Variants in PDZD2 observed in about 807,000 individuals in gnomAD.
PDZD2 encodes PDZ domain-containing protein 2.
In PDZD2, 90 loss-of-function variants were observed where a neutral mutation model predicts 220.7. The observed-to-expected ratio is 0.41, with a 90% CI of 0.34 to 0.49. The LOEUF is 0.49. Ranked by LOEUF, PDZD2 falls within the 20% of genes least tolerant of loss-of-function variation. The pLI, the probability that PDZD2 is intolerant of heterozygous loss-of-function variation, is 0.28. For synonymous variants in PDZD2, 1,375 were observed against 1,450.5 expected (o/e 0.95, Z 1.18); for missense variants, 3,174 against 3,608.5 (o/e 0.88, Z 3.08).
At chr5:31,866,780 G>A (rs1328207556) in intron 2 of PDZD2, among the ~76,000 whole-genome samples, 1 of 152,156 alleles carries the variant, frequency 6.6e-6, no homozygotes. Context: ...ACTTTGATTT[G>A]TGTCCTTATC....
intron 1 of PDZD2, chr5:31,661,614 C>G (rs1185537279): frequency 6.6e-6 from 1 of 152,190 alleles, no homozygotes; most frequent in African/African-American, 2.4e-5. Flanking sequence ...CTTACACGCT[C>G]TAAAGTATGT....
chr5:32,018,492 C>T (rs1170316149), intron 6 of PDZD2, among the ~76,000 whole-genome samples: 3 of 152,230 alleles, frequency 2.0e-5, no homozygotes, highest in Non-Finnish European at 2.9e-5. Context: ...CCCCAACCTG[C>T]TCCGGATCCT....
intron 1 of PDZD2, among the ~76,000 whole-genome samples, chr5:31,743,238 A>G (rs924558778): frequency 5.3e-5 from 8 of 151,914 alleles, no homozygotes; most frequent in Non-Finnish European, 1.0e-4. Flanking sequence ...CAGTGGCACA[A>G]TCATGGCTCA....
At chr5:32,041,234 C>T (rs542142003) in intron 7 of PDZD2, among the ~76,000 whole-genome samples, 253 of 130,746 alleles carry the variant, frequency 1.9e-3, no homozygotes, top group Admixed American at 2.9e-3. Flanking sequence ...TCTGCCCGGC[C>T]GCCCATCGTC....
chr5:31,972,900 G>A (rs2111794431), intron 2 of PDZD2, among the ~76,000 whole-genome samples: 1 of 152,280 alleles, frequency 6.6e-6, no homozygotes, highest in South Asian at 2.1e-4. Context: ...TAGACTGCAG[G>A]TAAATCTTAG....
chr5:31,857,411 G>C (rs948944328), intron 2 of PDZD2, among the ~76,000 whole-genome samples: 2 of 152,058 alleles, frequency 1.3e-5, no homozygotes, highest in African/African-American at 4.8e-5. Context: ...ACATTCTTTT[G>C]CTGGTAAAAT....
intron 20 of PDZD2, among the ~76,000 whole-genome samples, chr5:32,092,240 C>T (rs1743223656): frequency 6.7e-6 from 1 of 148,540 alleles, no homozygotes; most frequent in African/African-American, 2.5e-5. Flanking sequence ...CGTCACTGCA[C>T]TCCAGCCTGG....
At chr5:32,071,227 A>G (rs1740708514) in intron 15 of PDZD2, among the ~76,000 whole-genome samples, 157 bp from the exon 16 acceptor site, 1 of 152,168 alleles carries the variant, frequency 6.6e-6, no homozygotes, top group Admixed American at 6.5e-5. Context: ...ACGCAGGTAG[A>G]CTGCATGCAC....
intron 7 of PDZD2, among the ~76,000 whole-genome samples, chr5:32,038,542 C>CA (rs1300400961): frequency 2.0e-5 from 3 of 151,170 alleles, no homozygotes; most frequent in Non-Finnish European, 4.4e-5. Context: ...CTCAAAATAA[C>CA]AAAAAACAAA....
rs1170012670 is a variant in PDZD2, at chr5:32,000,386, C to T, written c.1254+115C>T. The T allele has an allele frequency of 1.8e-6, 2 of 1,133,676 alleles. No homozygotes were observed. The highest frequency in any genetic ancestry group is 3.0e-5 in the African/African-American group (2 of 65,814). 70.2% of individuals were successfully genotyped at this position (1,133,676 alleles called of 1,614,324 possible). On this transcript the variant is annotated intron_variant, in intron 5 of 24. Transcript: ENST00000438447. The surrounding 1 kb of genome is among the most constrained non-coding windows in gnomAD (Gnocchi z 4.5). Reference sequence around the variant, plus strand: ...GACATGTGTGCACTTGTACGTTTGCCTTGGGCTATTGAAACAGCCTTGCTT... The same window carrying T: ...GACATGTGTGCACTTGTACGTTTGCTTTGGGCTATTGAAACAGCCTTGCTT...
At chr5:31,822,620 C>A in intron 2 of PDZD2, 1 of 1,302,806 alleles carries the variant, frequency 7.7e-7, no homozygotes. Flanking sequence ...CAAAAATTTC[C>A]TGATATCCTT....
chr5:31,820,505 C>T (rs1411133109), intron 2 of PDZD2: 2 of 152,134 alleles, frequency 1.3e-5, no homozygotes, highest in African/African-American at 4.8e-5. Context: ...CTGTCCTTGC[C>T]AGTCTGTCAG....
intron 1 of PDZD2, among the ~76,000 whole-genome samples, chr5:31,798,631 G>T (rs1348908045): frequency 7.9e-5 from 12 of 152,218 alleles, no homozygotes; most frequent in African/African-American, 2.7e-4. Context: ...TCTTGGCCAA[G>T]TCATCTGGTT....
chr5:32,006,158 A>AAAG (rs1040804168), intron 5 of PDZD2, among the ~76,000 whole-genome samples: 1 of 151,958 alleles, frequency 6.6e-6, no homozygotes, highest in African/African-American at 2.4e-5. Flanking sequence ...AAAAAAAAAA[A>AAAG]AAAAGATATC....
At chr5:31,660,078 G>C (rs1036117593) in intron 1 of PDZD2, among the ~76,000 whole-genome samples, 2 of 152,218 alleles carry the variant, frequency 1.3e-5, no homozygotes, top group African/African-American at 4.8e-5. Context: ...TGTCCCCACA[G>C]TCCACTGTTT....
At chr5:31,813,235 G>A (rs1461819190) in intron 2 of PDZD2, among the ~76,000 whole-genome samples, 1 of 152,136 alleles carries the variant, frequency 6.6e-6, no homozygotes, top group African/African-American at 2.4e-5. Context: ...TGGATCACGA[G>A]GTCAGGAGAT....
At chr5:31,960,546 G>A (rs776437976) in intron 2 of PDZD2, among the ~76,000 whole-genome samples, 1 of 152,058 alleles carries the variant, frequency 6.6e-6, no homozygotes, top group Non-Finnish European at 1.5e-5. Context: ...TCCAGTTGGA[G>A]GCAGAGTTAG....
chr5:31,729,099 CT>C (rs10650811), intron 1 of PDZD2, among the ~76,000 whole-genome samples: 8 of 123,642 alleles, frequency 6.5e-5, no homozygotes, highest in Middle Eastern at 4.9e-3. Flanking sequence ...TGATCGAAAT[CT>C]TTTTTTTTTT....
chr5:31,686,445 A>C (rs1326833701), intron 1 of PDZD2, among the ~76,000 whole-genome samples: 1 of 151,562 alleles, frequency 6.6e-6, no homozygotes, highest in Non-Finnish European at 1.5e-5. Context: ...GCTCACTGCA[A>C]CCTCCACCTC....
Sources: allele counts gnomAD v4.1 joint callset (sites outside exome capture counted in the v4.1 genomes callset), GRCh38; gene constraint gnomAD v4.1.1; non-coding constraint Gnocchi (gnomAD v3.1); transcripts MANE v1.5; gene names NCBI Gene and HGNC (gene_info 2026-07-23, HGNC 2026-07-21).